BPI: variants seen among roughly 807,000 people sequenced by gnomAD.
The protein encoded by BPI is bactericidal permeability increasing protein, also known as bactericidal permeability-increasing protein.
Under a neutral mutation model 57.6 loss-of-function variants are expected in BPI, and 48 were observed. The ratio of observed to expected loss-of-function variants is 0.83; its 90% CI spans 0.66 to 1.06. The LOEUF (loss-of-function observed/expected upper bound fraction) is 1.06, where lower values mean the gene tolerates loss of function less well. Ranked by LOEUF, BPI falls within the 50% of genes least tolerant of loss-of-function variation. The probability of loss-of-function intolerance (pLI) is 0.00; values close to 1 mark genes in which losing one functional copy is unlikely to be tolerated. For missense variants in BPI, 651 were observed against 609.7 expected, an observed-to-expected ratio of 1.07 and a Z score of -0.71; for synonymous variants, 237 against 238.2, an observed-to-expected ratio of 0.99 and a Z score of 0.05.
At chr20:38,335,763 C>T (rs2076764709) in intron 14 of BPI, 89 bp downstream of exon 14, 3 of 1,315,460 alleles carry the variant, frequency 2.3e-6, no homozygotes, top group Non-Finnish European at 3.3e-6. Context: ...ATGCCAAGCC[C>T]TGTGTGAAGC....
chr20:38,317,074 C>A (rs2076655833), intron 5 of BPI, among the ~76,000 whole-genome samples: 1 of 152,100 alleles, frequency 6.6e-6, no homozygotes, highest in Non-Finnish European at 1.5e-5. Flanking sequence ...GCAACCACAC[C>A]AGGAGCTACC....
At chr20:38,325,244 G>A (rs1358341781) in intron 9 of BPI, among the ~76,000 whole-genome samples, 1 of 149,158 alleles carries the variant, frequency 6.7e-6, no homozygotes, top group Admixed American at 6.7e-5. Flanking sequence ...AAACCAACAG[G>A]TGGATGAGGT....
rs760548784 is a variant in BPI at position 38,327,591 on chromosome 20, A to G, written c.1165A>G (p.Thr389Ala). 5.0e-6 allele frequency: 8 copies of G among 1,613,018 alleles called. No homozygotes were observed. The African/African-American group carries it at 1.1e-4, about 22-fold the overall frequency. The change falls in exon 11 of 15, where the codon ACA becomes GCA. Residue 389 changes from threonine to alanine, a missense_variant. Thr to Ala is a moderately conservative substitution (Grantham distance 58). Transcript: ENST00000642449. Reference sequence around the variant, plus strand: ...CCCTGGGTTGTTGTTTTGGCAGCACACAACTGGTTCCATGGAGGTCAGCGC... The same window carrying G: ...CCCTGGGTTGTTGTTTTGGCAGCACGCAACTGGTTCCATGGAGGTCAGCGC... ...LASLFLIGMH[T>A]TGSMEVSAES...
chr20:38,337,199 C>T lies in BPI; in HGVS notation c.*15C>T. Reference sequence around the variant, plus strand: ...TCTATAAATGAAGGCACCAGGGGTGCCGGGGGCTGTCAGCCACACCTGTTC... The same window carrying T: ...TCTATAAATGAAGGCACCAGGGGTGTCGGGGGCTGTCAGCCACACCTGTTC... On this transcript the variant is annotated 3_prime_UTR_variant, in exon 15 of 15. Coordinates refer to ENST00000642449, the MANE Select transcript of BPI (RefSeq NM_001725.3). 2.5e-6 allele frequency: 4 copies of T among 1,582,218 alleles called. No individual in the cohort carries two copies. The highest frequency in any genetic ancestry group is 2.3e-5 in the South Asian group (2 of 85,776).
At chr20:38,334,600 T>A in intron 13 of BPI, 107 bp downstream of exon 13, 1 of 1,130,174 alleles carries the variant, frequency 8.8e-7, no homozygotes, top group Non-Finnish European at 1.3e-6. Context: ...GGCTGGGCAG[T>A]GGTGATGTCA....
chr20:38,310,399 A>G lies in BPI; in HGVS notation c.375-92A>G, dbSNP rs890576384. ...GTACCTCCTCACCTGGAGTGGGGAT[A>G]ATAACAAAACCCGCCTTCCAGCACT... On this transcript the variant is annotated intron_variant, in intron 3 of 14. Coordinates refer to ENST00000642449, the MANE Select transcript of BPI (RefSeq NM_001725.3). The G allele has an allele frequency of 2.0e-5, 29 of 1,472,326 alleles. No individual in the cohort carries two copies. In the African/African-American group the frequency reaches 3.3e-4, roughly 17 times the overall value. The allele number at this position is 1,472,326 out of a possible 1,614,324, so 91.2% of individuals were successfully genotyped here. A position where few individuals can be genotyped will look rare whatever the true frequency, so the allele number is the denominator to read the frequency against.
intron 7 of BPI, 70 bp downstream of exon 7, chr20:38,320,344 T>C (rs1397767989): frequency 5.6e-6 from 8 of 1,427,988 alleles, no homozygotes; most frequent in Non-Finnish European, 7.8e-6. Context: ...CCCCAGTCCT[T>C]GGAAACAAAC....
intron 1 of BPI, among the ~76,000 whole-genome samples, chr20:38,304,934 C>A (rs2076590132): frequency 6.6e-6 from 1 of 152,192 alleles, no homozygotes; most frequent in Non-Finnish European, 1.5e-5. Flanking sequence ...TCTCTTTTAC[C>A]CTCACTTCAG....
intron 11 of BPI, 149 bp from the exon 12 acceptor site, chr20:38,330,897 CAT>C: frequency 1.2e-6 from 1 of 836,266 alleles, no homozygotes; most frequent in East Asian, 2.5e-5. Flanking sequence ...CCAAAGGCAA[CAT>C]CGGGGGGCTG....
At chr20:38,317,847 T>C in intron 5 of BPI, 1 of 1,493,214 alleles carries the variant, frequency 6.7e-7, no homozygotes, top group South Asian at 1.3e-5. Context: ...TTTCTCAGGC[T>C]AGTGTTTGTT....
chr20:38,320,288 T>A lies in BPI; in HGVS notation c.756+14T>A, dbSNP rs1486012693. On this transcript the variant is annotated intron_variant, in intron 7 of 14. Coordinates refer to ENST00000642449, the MANE Select transcript of BPI (RefSeq NM_001725.3). The stretch of plus-strand genomic sequence containing the variant: ...GTACAGATGAAGGTGAGGCTGACAC[T>A]GAGAATCATACACCCTCACACCTCT... The A allele has an allele frequency of 6.2e-7, 1 of 1,611,026 alleles. No homozygotes were observed. The highest frequency in any genetic ancestry group is 1.7e-5 in the Admixed American group (1 of 59,988).
intron 5 of BPI, among the ~76,000 whole-genome samples, chr20:38,314,204 G>GATGGT (rs2076637909): frequency 2.1e-5 from 2 of 97,296 alleles, no homozygotes; most frequent in Admixed American, 1.2e-4. Flanking sequence ...TGGTGATGGT[G>GATGGT]GGGATGATGA....
intron 2 of BPI, among the ~76,000 whole-genome samples, chr20:38,307,915 A>G (rs1321872195): frequency 6.6e-6 from 1 of 152,222 alleles, no homozygotes; most frequent in Non-Finnish European, 1.5e-5. Flanking sequence ...CCATATGTCA[A>G]TTAGAATGTG....
chr20:38,307,838 T>C (rs960858037), intron 2 of BPI, among the ~76,000 whole-genome samples, 157 bp downstream of exon 2: 1 of 152,180 alleles, frequency 6.6e-6, no homozygotes, highest in Non-Finnish European at 1.5e-5. Flanking sequence ...ACCTCCCAGC[T>C]GAGCGTGGAG....
At chr20:38,337,003 C>G in intron 14 of BPI, 143 bp from the exon 15 acceptor site, 3 of 558,434 alleles carry the variant, frequency 5.4e-6, no homozygotes, top group South Asian at 6.2e-5. Context: ...GGCAGCGAAA[C>G]ACTGAGTGAC....
intron 5 of BPI, among the ~76,000 whole-genome samples, chr20:38,317,166 AG>A (rs1335723098): frequency 6.6e-6 from 1 of 152,150 alleles, no homozygotes; most frequent in Non-Finnish European, 1.5e-5. Flanking sequence ...CAGGAGAGGG[AG>A]GGAAGGAGCT....
intron 5 of BPI, among the ~76,000 whole-genome samples, chr20:38,316,768 T>C (rs1386343495): frequency 2.0e-5 from 3 of 152,158 alleles, no homozygotes; most frequent in South Asian, 4.1e-4. Flanking sequence ...CCTTCTTTCA[T>C]TGAAGGCTGT....
intron 5 of BPI, among the ~76,000 whole-genome samples, chr20:38,313,886 T>TGG (rs2076634577): frequency 6.7e-6 from 1 of 149,398 alleles, no homozygotes; most frequent in African/African-American, 2.5e-5. Context: ...AATGATGGGA[T>TGG]GATGATGATG....
At chr20:38,329,229 G>C (rs993459555) in intron 11 of BPI, among the ~76,000 whole-genome samples, 6 of 151,992 alleles carry the variant, frequency 3.9e-5, no homozygotes, top group African/African-American at 1.5e-4. Flanking sequence ...GGGGGGCAGA[G>C]AGAAAGAGAC....
Sources: gnomAD v4.1 joint callset for allele counts (sites outside exome capture counted in the v4.1 genomes callset) on GRCh38, gnomAD v4.1.1 for gene constraint, MANE v1.5 for transcripts, NCBI Gene and HGNC (gene_info 2026-07-23, HGNC 2026-07-21) for gene names.